TCF20: variants seen among roughly 807,000 people sequenced by gnomAD.
TCF20 encodes the protein SPRE-binding protein.
TCF20 carries 3 observed loss-of-function variants against 148.6 expected under a neutral mutation model. The observed-to-expected ratio is 0.02, with a 90% CI of 0.01 to 0.05. TCF20 has a LOEUF of 0.05. TCF20 is among the 10% of genes least tolerant of loss of function. TCF20 has a pLI of 1.00. For missense variants in TCF20, 2,350 were observed against 2,429.3 expected, an observed-to-expected ratio of 0.97 and a Z score of 0.69; for synonymous variants, 1,049 against 909.5, an observed-to-expected ratio of 1.15 and a Z score of -2.76.
At chr22:42,311,594 G>C (rs1439245792) in intron 1 of TCF20, among the ~76,000 whole-genome samples, 1 of 152,200 alleles carries the variant, frequency 6.6e-6, no homozygotes, top group African/African-American at 2.4e-5. Flanking sequence ...GCAAGGTGCA[G>C]TTGAAGGGTA....
chr22:42,220,177 C>T (rs1315313516), intron 1 of TCF20, among the ~76,000 whole-genome samples: 1 of 151,322 alleles, frequency 6.6e-6, no homozygotes, highest in East Asian at 1.9e-4. Flanking sequence ...CCAATCCATT[C>T]TCTTTTTTGG....
chr22:42,295,408 C>A (rs558280910), intron 1 of TCF20, among the ~76,000 whole-genome samples: 1 of 152,138 alleles, frequency 6.6e-6, no homozygotes, highest in African/African-American at 2.4e-5. Flanking sequence ...GGCTGTCCCC[C>A]TCCCTGAGAT....
chr22:42,312,616 G>T (rs1203848953), intron 1 of TCF20, among the ~76,000 whole-genome samples: 2 of 152,096 alleles, frequency 1.3e-5, no homozygotes, highest in Non-Finnish European at 2.9e-5. Context: ...CATTCCCCAG[G>T]GTGTGGAGTG....
At chr22:42,216,458 T>G (rs969906957) in intron 1 of TCF20, among the ~76,000 whole-genome samples, 1 of 152,156 alleles carries the variant, frequency 6.6e-6, no homozygotes, top group African/African-American at 2.4e-5. Flanking sequence ...CCATATGGGT[T>G]CCACACAAAC....
intron 1 of TCF20, among the ~76,000 whole-genome samples, chr22:42,291,457 G>T (rs1180566002): frequency 1.3e-5 from 2 of 152,198 alleles, no homozygotes; most frequent in East Asian, 3.9e-4. Context: ...GCCCGCTGGA[G>T]GTCATAGGCC....
intron 1 of TCF20, among the ~76,000 whole-genome samples, chr22:42,326,985 G>A (rs566864827): frequency 4.0e-4 from 61 of 152,340 alleles, no homozygotes; most frequent in Non-Finnish European, 7.3e-4. Context: ...ACAACATGAC[G>A]CGATCTGGCA....
At chr22:42,307,038 T>TA (rs5845532) in intron 1 of TCF20, among the ~76,000 whole-genome samples, 2,989 of 92,692 alleles carry the variant, frequency 0.032, 76 homozygotes, top group African/African-American at 0.071. Context: ...GACTCTGTCT[T>TA]AAAAAAAAAA....
upstream of TCF20, among the ~76,000 whole-genome samples, chr22:42,286,694 C>T (rs569962763): frequency 1.8e-4 from 28 of 152,288 alleles, no homozygotes; most frequent in Non-Finnish European, 3.1e-4. Flanking sequence ...TTCAGGGGAT[C>T]AGAGACTAGG....
intron 1 of TCF20, among the ~76,000 whole-genome samples, chr22:42,241,150 G>A (rs538755952): frequency 4.0e-4 from 61 of 152,296 alleles, no homozygotes; most frequent in African/African-American, 1.5e-3. Flanking sequence ...TAGCCAGCGC[G>A]CCTGGGCTTC....
intron 1 of TCF20, among the ~76,000 whole-genome samples, chr22:42,329,738 G>C (rs755054946): frequency 6.6e-6 from 1 of 152,208 alleles, no homozygotes; most frequent in African/African-American, 2.4e-5. Context: ...GGCTGGCCGT[G>C]GGGGAGGCCA....
intron 2 of TCF20, among the ~76,000 whole-genome samples, chr22:42,191,060 T>C (rs1035853976): frequency 1.3e-5 from 2 of 152,184 alleles, no homozygotes; most frequent in Non-Finnish European, 2.9e-5. Context: ...CCAAATAAAA[T>C]ACATCCATTT....
intron 1 of TCF20, among the ~76,000 whole-genome samples, chr22:42,301,707 G>T (rs1383992611): frequency 6.6e-6 from 1 of 152,250 alleles, no homozygotes; most frequent in Non-Finnish European, 1.5e-5. Context: ...ATGTTTGCAG[G>T]CTGGGGAGAC....
chr22:42,247,122 G>T (rs1924983970), intron 1 of TCF20, among the ~76,000 whole-genome samples: 1 of 151,850 alleles, frequency 6.6e-6, no homozygotes, highest in African/African-American at 2.4e-5. Context: ...TTTGAGAAAG[G>T]CCTTGAAATA....
chr22:42,238,828 T>C lies in TCF20; in HGVS notation c.-36-23487A>G, dbSNP rs571661129. On this transcript the variant is annotated intron_variant, in intron 1 of 5. Coordinates refer to ENST00000677622, the MANE Select transcript of TCF20 (RefSeq NM_001378418.1). Reference sequence around the variant, plus strand: ...TGGCGCTCCAAAACAATTACAAAAGTAACATCAGGCCGGGCGCGGTGGCTC... The same window carrying C: ...TGGCGCTCCAAAACAATTACAAAAGCAACATCAGGCCGGGCGCGGTGGCTC... 3.9e-5 allele frequency among the ~76,000 whole-genome samples: 6 copies of C among 152,286 alleles called. No homozygotes were observed. In the East Asian group the frequency reaches 1.2e-3, roughly 29 times the overall value.
chr22:42,214,784 C>T lies in TCF20; in HGVS notation c.522G>A (p.Gln174=). 6.2e-7 allele frequency: 1 copy of T among 1,614,110 alleles called. No individual in the cohort carries two copies. Among genetic ancestry groups the T allele is most frequent in the Non-Finnish European group, 8.5e-7 (1 of 1,180,038 alleles). ...SAQYQQQASS[Q]QQQQQVQQLR... ...ACTGCTGGACTTGCTGCTGCTGCTG[C>T]TGGCTGGAAGCCTGCTGTTGGTACT... The change falls in exon 2 of 6, where the codon CAG becomes CAA. Residue 174 remains glutamine (Q), a synonymous_variant. Transcript: ENST00000677622.
chr22:42,324,058 G>A (rs1927812057), intron 1 of TCF20, among the ~76,000 whole-genome samples: 3 of 83,848 alleles, frequency 3.6e-5, no homozygotes, highest in Admixed American at 1.2e-4. Flanking sequence ...GGTGGTGGTG[G>A]TGATGGAGGT....
At chr22:42,187,691 G>A (rs749284789) in intron 2 of TCF20, among the ~76,000 whole-genome samples, 1 of 152,202 alleles carries the variant, frequency 6.6e-6, no homozygotes, top group Non-Finnish European at 1.5e-5. Context: ...TTATAGTAAA[G>A]TTATGATGTT....
rs961027927 is a variant in TCF20, at chr22:42,169,728, C to T, written c.5799+119G>A. ...CCAGGGCCAGGAGGGGACTAACAGCCGGAGGCACAGGTGGGGACAGGTGTG... is the reference window on the plus strand; with the variant it reads ...CCAGGGCCAGGAGGGGACTAACAGCTGGAGGCACAGGTGGGGACAGGTGTG... On this transcript the variant is annotated intron_variant, in intron 4 of 5. Coordinates refer to ENST00000677622, the MANE Select transcript of TCF20 (RefSeq NM_001378418.1). The T allele has an allele frequency of 2.6e-5, 27 of 1,023,440 alleles. No individual in the cohort carries two copies. The East Asian group carries it at 3.9e-4, about 15-fold the overall frequency. 63.4% of individuals were successfully genotyped at this position (1,023,440 alleles called of 1,614,324 possible).
intron 1 of TCF20, among the ~76,000 whole-genome samples, chr22:42,326,838 C>T (rs760933419): frequency 6.6e-6 from 1 of 152,266 alleles, no homozygotes; most frequent in Non-Finnish European, 1.5e-5. Context: ...CACACTTGCC[C>T]GATGCCACAC....
Sources: gnomAD v4.1 joint callset for allele counts (sites outside exome capture counted in the v4.1 genomes callset) on GRCh38, gnomAD v4.1.1 for gene constraint, MANE v1.5 for transcripts, NCBI Gene and HGNC (gene_info 2026-07-23, HGNC 2026-07-21) for gene names.